CYP2C19: variants seen among roughly 807,000 people sequenced by gnomAD.
CYP2C19 encodes the protein cytochrome P450 2C19.
A neutral mutation model predicts 40.9 loss-of-function variants in CYP2C19; 59 were observed. The observed-to-expected ratio is 1.44, with a 90% CI of 1.17 to 1.79. CYP2C19 has a LOEUF of 1.79. Ranked by LOEUF, CYP2C19 falls within the 40% of genes most tolerant of loss-of-function variation. CYP2C19 has a pLI of 0.00. For missense variants in CYP2C19, 754 were observed against 596.9 expected (o/e 1.26, Z -2.74); for synonymous variants, 253 against 208.7 (o/e 1.21, Z -1.83).
intron 3 of CYP2C19, among the ~76,000 whole-genome samples, chr10:94,779,381 T>G (rs538205896): frequency 6.6e-6 from 1 of 152,186 alleles, no homozygotes; most frequent in Non-Finnish European, 1.5e-5. Flanking sequence ...ATAATTTAAT[T>G]TATTTAGCTA....
At chr10:94,780,419 CTATTAT>C in intron 3 of CYP2C19, 74 bp from the exon 4 acceptor site, 1 of 1,538,202 alleles carries the variant, frequency 6.5e-7, no homozygotes, top group South Asian at 1.2e-5. Flanking sequence ...AATTTCTAAA[CTATTAT>C]TATCTGTTAA....
rs769406222 is a variant in CYP2C19 at position 94,780,501 on chromosome 10, T to C, written c.484T>C (p.Ser162Pro). The C allele has an allele frequency of 6.2e-7, 1 of 1,613,314 alleles. No homozygotes were observed. Among genetic ancestry groups the C allele is most frequent in the South Asian group, 1.1e-5 (1 of 91,006 alleles). ...TAAAATTGTTTCCAATCATTTAGCTTCACCCTGTGATCCCACTTTCATCCT... is the reference window on the plus strand; with the variant it reads ...TAAAATTGTTTCCAATCATTTAGCTCCACCCTGTGATCCCACTTTCATCCT... The part of the protein sequence containing the change: ...LVEELRKTKA[S>P]PCDPTFILGC... Residue 162 changes from serine (S) to proline (P), a missense_variant and splice_region_variant, in exon 4 of 9, where the codon TCA becomes CCA. By Grantham distance (74) the Ser-to-Pro change is moderately conservative. Coordinates refer to ENST00000371321, the MANE Select transcript of CYP2C19 (RefSeq NM_000769.4).
At chr10:94,832,192 T>G (rs558074861) in intron 6 of CYP2C19, among the ~76,000 whole-genome samples, 1 of 152,202 alleles carries the variant, frequency 6.6e-6, no homozygotes, top group Non-Finnish European at 1.5e-5. Flanking sequence ...TTGGTACCTG[T>G]GTTAGTCTGT....
At chr10:94,830,532 C>G (rs948155781) in intron 6 of CYP2C19, among the ~76,000 whole-genome samples, 1 of 152,200 alleles carries the variant, frequency 6.6e-6, no homozygotes, top group Non-Finnish European at 1.5e-5. Context: ...GGTGCACGCA[C>G]CCACTGACCT....
intron 5 of CYP2C19, among the ~76,000 whole-genome samples, chr10:94,796,180 G>A (rs926164929): frequency 4.9e-4 from 75 of 152,110 alleles, no homozygotes; most frequent in African/African-American, 1.7e-3. Flanking sequence ...TTTGTATAAG[G>A]TGTAAGGAAG....
At chr10:94,820,855 T>A (rs1179254288) in intron 6 of CYP2C19, among the ~76,000 whole-genome samples, 4 of 152,090 alleles carry the variant, frequency 2.6e-5, no homozygotes, top group Admixed American at 6.6e-5. Flanking sequence ...GAGGCCTAGG[T>A]GGGTGGACCA....
intron 6 of CYP2C19, among the ~76,000 whole-genome samples, chr10:94,824,969 C>T (rs967047032): frequency 2.8e-5 from 4 of 145,414 alleles, no homozygotes; most frequent in African/African-American, 7.7e-5. Flanking sequence ...ATCCATGTCC[C>T]TACAAAGGAC....
intron 8 of CYP2C19, among the ~76,000 whole-genome samples, chr10:94,851,150 T>A (rs1849647756): frequency 6.6e-6 from 1 of 152,104 alleles, no homozygotes; most frequent in African/African-American, 2.4e-5. Flanking sequence ...TTCCACAGGC[T>A]GTACAGGAAG....
chr10:94,853,570 A>G lies in CYP2C19; in HGVS notation c.*656A>G, dbSNP rs1333202898. ...TCCTTTTTTTTTTTTTTTTGAGACA[A>G]TGTCTCACTCTGTCTCCCAGGCTGG... is the stretch of plus-strand genomic sequence containing the variant. On this transcript the variant is annotated 3_prime_UTR_variant, in exon 9 of 9. Transcript: ENST00000371321. Among the ~76,000 whole-genome samples, 3 of 145,540 alleles carry G rather than the reference A, an allele frequency of 2.1e-5. No individual in the cohort carries two copies. Among genetic ancestry groups the G allele is most frequent in the Non-Finnish European group, 3.0e-5 (2 of 66,286 alleles).
Position 94,807,856 on chromosome 10 carries a change from G to T in CYP2C19, c.820-12640G>T, listed in dbSNP as rs145140340. 2.3e-4 allele frequency among the ~76,000 whole-genome samples: 35 copies of T among 152,002 alleles called. No individual in the cohort carries two copies. The East Asian group carries it at 6.2e-3, about 27-fold the overall frequency. On this transcript the variant is annotated intron_variant, in intron 5 of 8. Transcript: ENST00000371321. ...CTTCAGGTTGTCTTTCCACTTTATT[G>T]AATGTTTTCTTTGCCCTGCAGAAGT...
At chr10:94,849,525 C>G (rs2134292207) in intron 7 of CYP2C19, among the ~76,000 whole-genome samples, 1 of 151,578 alleles carries the variant, frequency 6.6e-6, no homozygotes, top group South Asian at 2.1e-4. Flanking sequence ...TACATGTGCA[C>G]AATGTGCAGG....
intron 5 of CYP2C19, among the ~76,000 whole-genome samples, chr10:94,785,953 C>T (rs532091939): frequency 2.0e-5 from 3 of 152,172 alleles, no homozygotes; most frequent in East Asian, 3.9e-4. Flanking sequence ...TATGTAAATG[C>T]CACACCTGAT....
chr10:94,816,419 G>C (rs75216020), intron 5 of CYP2C19, among the ~76,000 whole-genome samples: 1,844 of 152,110 alleles, frequency 0.012, 52 homozygotes, highest in African/African-American at 0.043. Context: ...TTAGAGAGCT[G>C]TTAGAGAAAA....
chr10:94,767,685 T>G (rs1848266528), intron 1 of CYP2C19, among the ~76,000 whole-genome samples: 1 of 152,176 alleles, frequency 6.6e-6, no homozygotes, highest in Non-Finnish European at 1.5e-5. Flanking sequence ...AATAGGGATT[T>G]GGCCATTTGA....
intron 3 of CYP2C19, chr10:94,776,292 C>T (rs1048289294): frequency 1.3e-5 from 2 of 151,674 alleles, no homozygotes; most frequent in African/African-American, 4.8e-5. Context: ...ATTTTTATTC[C>T]TTAAGTATAA....
rs1031294281 is a variant in CYP2C19 at position 94,852,862 on chromosome 10, A to G, written c.1421A>G (p.Asn474Ser). 32 of 1,613,948 alleles carry G rather than the reference A, an allele frequency of 2.0e-5. No individual in the cohort carries two copies. In the Admixed American group the frequency reaches 3.0e-4, roughly 15 times the overall value. The change falls in exon 9 of 9, where the codon AAT becomes AGT. Residue 474 changes from asparagine to serine, a missense_variant. Coordinates refer to ENST00000371321, the MANE Select transcript of CYP2C19 (RefSeq NM_000769.4). ...GACCTTGACACAACTCCTGTTGTCAATGGATTTGCTTCTGTCCCGCCCTTC... is the reference window on the plus strand; with the variant it reads ...GACCTTGACACAACTCCTGTTGTCAGTGGATTTGCTTCTGTCCCGCCCTTC... ...PKDLDTTPVV[N>S]GFASVPPFYQ...
intron 6 of CYP2C19, among the ~76,000 whole-genome samples, chr10:94,830,465 C>T (rs1849315561): frequency 6.6e-6 from 1 of 152,214 alleles, no homozygotes; most frequent in Admixed American, 6.5e-5. Flanking sequence ...AGGGAACTCC[C>T]TGACCCCTTG....
At chr10:94,791,923 T>C (rs1039613934) in intron 5 of CYP2C19, among the ~76,000 whole-genome samples, 1 of 152,164 alleles carries the variant, frequency 6.6e-6, no homozygotes, top group African/African-American at 2.4e-5. Context: ...GATATCCTTA[T>C]TAACTTTCTG....
intron 5 of CYP2C19, among the ~76,000 whole-genome samples, chr10:94,806,105 T>C (rs1848832016): frequency 6.6e-6 from 1 of 151,834 alleles, no homozygotes; most frequent in Non-Finnish European, 1.5e-5. Context: ...TATGTCTCTA[T>C]GAAATCGAGT....
Sources: gnomAD v4.1 joint callset for allele counts (sites outside exome capture counted in the v4.1 genomes callset) on GRCh38, gnomAD v4.1.1 for gene constraint, MANE v1.5 for transcripts, NCBI Gene and HGNC (gene_info 2026-07-23, HGNC 2026-07-21) for gene names.